The following SLC6A12 variants were observed in gnomAD, a reference collection of about 807,000 sequenced individuals.
The protein encoded by SLC6A12 is sodium- and chloride-dependent betaine transporter.
SLC6A12 carries 50 observed loss-of-function variants against 73.3 expected under a neutral mutation model. That is an observed-to-expected ratio of 0.68 (90% CI 0.54 to 0.86). The LOEUF is 0.86. SLC6A12 is among the 40% of genes least tolerant of loss of function. SLC6A12 has a pLI of 0.00. For missense variants in SLC6A12, 648 were observed against 772.8 expected (o/e 0.84, Z 1.92); for synonymous variants, 304 against 309.2 (o/e 0.98, Z 0.18).
downstream of SLC6A12, among the ~76,000 whole-genome samples, chr12:187,589 C>CAAAAGAGCAAAAGAGCAAAAAA (rs1939453849): frequency 3.8e-5 from 4 of 106,074 alleles, no homozygotes; most frequent in African/African-American, 1.6e-4. Flanking sequence ...TGCAAAAGAG[C>CAAAAGAGCAAAAGAGCAAAAAA]AAAAAAAAAA....
intron 11 of SLC6A12, 38 bp from the exon 12 acceptor site, chr12:196,299 G>A: frequency 1.9e-6 from 3 of 1,591,576 alleles, no homozygotes; most frequent in Non-Finnish European, 2.6e-6. Flanking sequence ...GAGGGTGTGG[G>A]GCGGGCTGTT....
chr12:188,510 G>C (rs1212042316), downstream of SLC6A12, among the ~76,000 whole-genome samples: 2 of 152,230 alleles, frequency 1.3e-5, no homozygotes, highest in African/African-American at 4.8e-5. Flanking sequence ...GGCCAGCCCA[G>C]AAAGGGGCTC....
At chr12:197,187 A>AGTGTTGG (rs1939955127) in intron 10 of SLC6A12, among the ~76,000 whole-genome samples, 190 bp downstream of exon 10, 1 of 56,366 alleles carries the variant, frequency 1.8e-5, no homozygotes, top group Non-Finnish European at 4.2e-5. Flanking sequence ...CCATCCATCC[A>AGTGTTGG]TCCATCCATT....
chr12:198,624 A>T lies in SLC6A12; in HGVS notation c.846+173T>A. 2 of 626,006 alleles carry T rather than the reference A, an allele frequency of 3.2e-6. No individual in the cohort carries two copies. The highest frequency in any genetic ancestry group is 5.3e-6 in the Non-Finnish European group (2 of 377,776). The allele number at this position is 626,006 out of a possible 1,614,324, so 38.8% of individuals were successfully genotyped here. ...AAAGTTATATTTGAGTGGTGGAATT[A>T]CAAGAGATTTTTTTAGTTTCTTTTT... On this transcript the variant is annotated intron_variant, in intron 8 of 15. Coordinates refer to ENST00000684302, the MANE Select transcript of SLC6A12 (RefSeq NM_001122848.3). This position sits in a 1 kb window ranked among gnomAD's most constrained non-coding sequence, Gnocchi z 4.0.
At position 198,350 on chromosome 12, in the gene SLC6A12, C is replaced by T. The variant is rs1940033089; in HGVS notation, c.847-347G>A. 6.6e-6 allele frequency among the ~76,000 whole-genome samples: 1 copy of T among 152,248 alleles called. No individual in the cohort carries two copies. The stretch of plus-strand genomic sequence containing the variant: ...GTCTCATTCAACTAAGATCTCTGTA[C>T]ATAGTGTCTTAAGCAGCTATGACCT... On this transcript the variant is annotated intron_variant, in intron 8 of 15. Coordinates refer to ENST00000684302, the MANE Select transcript of SLC6A12 (RefSeq NM_001122848.3). This position sits in a 1 kb window ranked among gnomAD's most constrained non-coding sequence, Gnocchi z 4.0.
At chr12:187,450 A>G (rs1025114716), downstream of SLC6A12, among the ~76,000 whole-genome samples, 4 of 151,230 alleles carry the variant, frequency 2.6e-5, no homozygotes, top group Non-Finnish European at 5.9e-5. Context: ...GCGCGTCTGG[A>G]GTTTTTTTTT....
At chr12:200,249 C>T (rs954900564) in intron 7 of SLC6A12, among the ~76,000 whole-genome samples, 11 of 150,808 alleles carry the variant, frequency 7.3e-5, no homozygotes, top group African/African-American at 2.5e-4. Flanking sequence ...GCTGGGACTA[C>T]AGGTGCCCAC....
intron 14 of SLC6A12, 135 bp from the exon 15 acceptor site, chr12:192,783 T>C (rs1939662940): frequency 1.3e-6 from 1 of 782,592 alleles, no homozygotes; most frequent in African/African-American, 1.7e-5. Flanking sequence ...TAAAAGCCCC[T>C]GCAAATCCCA....
intron 14 of SLC6A12, 31 bp downstream of exon 14, chr12:193,246 A>G: frequency 1.4e-6 from 2 of 1,481,070 alleles, no homozygotes; most frequent in Non-Finnish European, 1.9e-6. Flanking sequence ...GGGGGCAGGA[A>G]GGAATAGAGG....
intron 4 of SLC6A12, chr12:203,439 C>G (rs1398599274): frequency 6.6e-6 from 1 of 152,216 alleles, no homozygotes; most frequent in East Asian, 1.9e-4. Flanking sequence ...CGAGCCCACC[C>G]TGGCAAGGAC....
intron 2 of SLC6A12, among the ~76,000 whole-genome samples, chr12:211,603 AT>A (rs1940906144): frequency 1.3e-5 from 2 of 152,200 alleles, no homozygotes; most frequent in South Asian, 4.1e-4. Flanking sequence ...GGATGAAAAA[AT>A]GGGGAGTTGG....
chr12:208,432 T>C (rs566316758), intron 3 of SLC6A12, among the ~76,000 whole-genome samples: 1 of 152,342 alleles, frequency 6.6e-6, no homozygotes, highest in South Asian at 2.1e-4. Context: ...TCAGATTTAA[T>C]ATAAATAGTG....
In SLC6A12 at chr12:192,460, C is replaced by T. The variant is rs1459055262; in HGVS notation, c.1701+18G>A. 1.9e-6 allele frequency: 3 copies of T among 1,612,604 alleles called. No homozygotes were observed. In the African/African-American group the frequency reaches 4.0e-5, roughly 22 times the overall value. ...CAGTGCCCTCCTTTAAGAGGTCACTCTCCCCTACACCACCTACCTTCCTGA... is the reference window on the plus strand; with the variant it reads ...CAGTGCCCTCCTTTAAGAGGTCACTTTCCCCTACACCACCTACCTTCCTGA... On this transcript the variant is annotated intron_variant, in intron 15 of 15. Transcript: ENST00000684302.
At chr12:209,572 C>T in intron 3 of SLC6A12, 1 of 606,764 alleles carries the variant, frequency 1.6e-6, no homozygotes, top group Non-Finnish European at 2.9e-6. Flanking sequence ...TCTTCACCGT[C>T]ACCCTGGGAG....
rs1941011582 is a variant in SLC6A12 at position 214,101 on chromosome 12, G to GCCT, written c.-323_-322insAGG. On this transcript the variant is annotated 5_prime_UTR_variant, in exon 1 of 16. Coordinates refer to ENST00000684302, the MANE Select transcript of SLC6A12 (RefSeq NM_001122848.3). The surrounding 1 kb of genome is among the most constrained non-coding windows in gnomAD (Gnocchi z 4.2). ...CGCAGAATCCCATGTGACTTGTCCA[G>GCCT]GGACTCCCAGACAGAAAGAAGCCGT... The GCCT allele has an allele frequency of 6.6e-6, 1 of 152,650 alleles. No individual in the cohort carries two copies. Among genetic ancestry groups the GCCT allele is most frequent in the Non-Finnish European group, 1.5e-5 (1 of 68,372 alleles). 9.5% of individuals were successfully genotyped at this position (152,650 alleles called of 1,614,324 possible). A position where few individuals can be genotyped will look rare whatever the true frequency, so the allele number is the denominator to read the frequency against.
At chr12:187,642 A>C (rs965436824), downstream of SLC6A12, among the ~76,000 whole-genome samples, 3 of 128,258 alleles carry the variant, frequency 2.3e-5, no homozygotes, top group Admixed American at 2.5e-4. Context: ...CAAACCACAC[A>C]CACAGCACCC....
chr12:189,177 C>A (rs1939499536), downstream of SLC6A12, among the ~76,000 whole-genome samples: 1 of 152,150 alleles, frequency 6.6e-6, no homozygotes. Context: ...AAGTACTGGA[C>A]TAGCTGCGGG....
chr12:195,953 C>G (rs1390622158), intron 12 of SLC6A12, among the ~76,000 whole-genome samples, 171 bp downstream of exon 12: 1 of 152,188 alleles, frequency 6.6e-6, no homozygotes, highest in East Asian at 1.9e-4. Flanking sequence ...CCAAAAGAGA[C>G]CTCACAAATG....
chr12:188,867 T>G (rs2137094334), downstream of SLC6A12, among the ~76,000 whole-genome samples: 4 of 151,078 alleles, frequency 2.6e-5, no homozygotes, highest in South Asian at 2.1e-4. Context: ...CCCCTCCCCG[T>G]TCCCTCCATC....
Sources: gnomAD v4.1 joint callset for allele counts (sites outside exome capture counted in the v4.1 genomes callset) on GRCh38, gnomAD v4.1.1 for gene constraint, Gnocchi (gnomAD v3.1) non-coding constraint, MANE v1.5 for transcripts, NCBI Gene and HGNC (gene_info 2026-07-23, HGNC 2026-07-21) for gene names.